Variants in RORA observed in about 807,000 individuals in gnomAD.
The protein encoded by RORA is nuclear receptor ROR-alpha.
In RORA, 7 loss-of-function variants were observed where a neutral mutation model predicts 69.5. The observed-to-expected ratio is 0.10, with a 90% CI of 0.06 to 0.19. The LOEUF (loss-of-function observed/expected upper bound fraction) is 0.19, where lower values mean the gene tolerates loss of function less well. Among genes scored for constraint, RORA ranks in the 10% least tolerant of loss-of-function variants. The pLI, the probability that RORA is intolerant of heterozygous loss-of-function variation, is 1.00. For synonymous variants in RORA, 261 were observed against 240.8 expected (o/e 1.08, Z -0.78); for missense variants, 457 against 663.0 (o/e 0.69, Z 3.41).
chr15:60,593,646 A>G (rs141131832), intron 2 of RORA, among the ~76,000 whole-genome samples: 2 of 152,312 alleles, frequency 1.3e-5, no homozygotes, highest in South Asian at 2.1e-4. Flanking sequence ...CAGGGTGTCT[A>G]TAGTACCGAG....
intron 1 of RORA, among the ~76,000 whole-genome samples, chr15:61,120,526 C>T (rs1472301004): frequency 2.6e-5 from 4 of 151,896 alleles, no homozygotes; most frequent in South Asian, 2.1e-4. Context: ...GATGAAACCC[C>T]GTCTCTACTA....
chr15:60,993,622 G>A (rs1436614945), intron 1 of RORA, among the ~76,000 whole-genome samples: 2 of 112,992 alleles, frequency 1.8e-5, no homozygotes, highest in South Asian at 6.4e-4. Context: ...CAACCTGGGT[G>A]ACAGAGCAAG....
chr15:60,575,145 G>T (rs2067988792), intron 2 of RORA, among the ~76,000 whole-genome samples: 1 of 151,802 alleles, frequency 6.6e-6, no homozygotes, highest in East Asian at 1.9e-4. Flanking sequence ...TTAACCTAGG[G>T]CCAGAACCTT....
intron 1 of RORA, among the ~76,000 whole-genome samples, chr15:60,754,507 T>C (rs1218145483): frequency 6.6e-6 from 1 of 152,168 alleles, no homozygotes; most frequent in African/African-American, 2.4e-5. Context: ...AAAAAATTAT[T>C]AGGGCTGTTT....
intron 1 of RORA, among the ~76,000 whole-genome samples, chr15:60,821,256 A>G (rs557375920): frequency 5.3e-5 from 8 of 152,152 alleles, no homozygotes; most frequent in Admixed American, 2.0e-4. Context: ...CCCTTGCCAT[A>G]GCCTCTTTCC....
At chr15:61,219,427 C>A (rs1338812552) in intron 1 of RORA, among the ~76,000 whole-genome samples, 1 of 152,028 alleles carries the variant, frequency 6.6e-6, no homozygotes, top group Non-Finnish European at 1.5e-5. Flanking sequence ...ACAAAAAAAT[C>A]ATCTGGGCGC....
chr15:60,844,151 C>T (rs949034014), intron 1 of RORA, among the ~76,000 whole-genome samples: 2 of 152,148 alleles, frequency 1.3e-5, no homozygotes, highest in African/African-American at 4.8e-5. Flanking sequence ...TCCCAGAGAA[C>T]TCTGTTCCTG....
intron 1 of RORA, among the ~76,000 whole-genome samples, chr15:61,058,150 G>C (rs2078121569): frequency 6.6e-6 from 1 of 152,164 alleles, no homozygotes; most frequent in Admixed American, 6.5e-5. Flanking sequence ...GGGAGCAAGA[G>C]CAAAGGAGGA....
At chr15:60,517,070 G>A (rs1358585992) in intron 3 of RORA, among the ~76,000 whole-genome samples, 2 of 146,336 alleles carry the variant, frequency 1.4e-5, no homozygotes, top group Non-Finnish European at 2.9e-5. Context: ...AGTAGTTGGT[G>A]GGGCCAATCA....
intron 2 of RORA, among the ~76,000 whole-genome samples, chr15:60,650,951 A>G (rs2070133916): frequency 1.3e-5 from 2 of 152,220 alleles, no homozygotes; most frequent in African/African-American, 4.8e-5. Context: ...CAATAAATAC[A>G]TAGAAAAGCT....
intron 1 of RORA, among the ~76,000 whole-genome samples, chr15:60,831,762 T>C (rs2073045161): frequency 6.6e-6 from 1 of 152,210 alleles, no homozygotes; most frequent in African/African-American, 2.4e-5. Flanking sequence ...CCTTAGTGTC[T>C]GTGTCTGGCC....
intron 1 of RORA, among the ~76,000 whole-genome samples, chr15:60,834,814 T>C (rs1387829374): frequency 6.6e-6 from 1 of 152,146 alleles, no homozygotes; most frequent in Non-Finnish European, 1.5e-5. Flanking sequence ...CTAGGCCCAA[T>C]GCCTCGAGTT....
At chr15:61,051,335 C>T (rs1229732836) in intron 1 of RORA, among the ~76,000 whole-genome samples, 3 of 152,132 alleles carry the variant, frequency 2.0e-5, no homozygotes, top group East Asian at 1.9e-4. Context: ...TATCCCCACT[C>T]CCCCTAGGGG....
intron 1 of RORA, among the ~76,000 whole-genome samples, chr15:61,013,402 G>A (rs527527563): frequency 6.6e-6 from 1 of 152,318 alleles, no homozygotes; most frequent in African/African-American, 2.4e-5. Flanking sequence ...AAAGTTTGCT[G>A]ACTTCTGCTC....
chr15:60,881,762 A>T (rs997774557), intron 1 of RORA, among the ~76,000 whole-genome samples: 2 of 152,182 alleles, frequency 1.3e-5, no homozygotes, highest in African/African-American at 4.8e-5. Flanking sequence ...AACACCTCAA[A>T]CCAGGGGGCC....
At chr15:60,962,251 C>A (rs917567641) in intron 1 of RORA, among the ~76,000 whole-genome samples, 8 of 152,230 alleles carry the variant, frequency 5.3e-5, no homozygotes, top group African/African-American at 1.9e-4. Context: ...TGACCTGGCA[C>A]AGACCGAGCG....
At chr15:60,653,265 G>A (rs1011542003) in intron 2 of RORA, among the ~76,000 whole-genome samples, 1 of 151,746 alleles carries the variant, frequency 6.6e-6, no homozygotes, top group African/African-American at 2.4e-5. Context: ...CAGATACAAG[G>A]TCGTCCTTTG....
chr15:61,005,352 C>T (rs944414184), intron 1 of RORA, among the ~76,000 whole-genome samples: 7 of 152,034 alleles, frequency 4.6e-5, no homozygotes, highest in Non-Finnish European at 8.8e-5. Context: ...TGGTGGCAGG[C>T]GCCTGTAATA....
intron 1 of RORA, among the ~76,000 whole-genome samples, chr15:61,066,879 CAAAAAAAAA>C (rs33936803): frequency 4.2e-5 from 3 of 71,294 alleles, no homozygotes; most frequent in Non-Finnish European, 2.5e-5. Flanking sequence ...TTCATAAGAC[CAAAAAAAAA>C]AAAAAAAAAA....
Sources: allele counts gnomAD v4.1 joint callset (sites outside exome capture counted in the v4.1 genomes callset), GRCh38; gene constraint gnomAD v4.1.1; transcripts MANE v1.5; gene names NCBI Gene and HGNC (gene_info 2026-07-23, HGNC 2026-07-21).